Variants in RGS7 observed in about 807,000 individuals in gnomAD.
The protein encoded by RGS7 is regulator of G protein signaling 7.
A neutral mutation model predicts 81.1 loss-of-function variants in RGS7; 27 were observed. The observed-to-expected ratio is 0.33, with a 90% CI of 0.25 to 0.46. RGS7 has a LOEUF of 0.46. RGS7 is among the 20% of genes least tolerant of loss of function. The probability of loss-of-function intolerance (pLI) is 1.00; values close to 1 mark genes in which losing one functional copy is unlikely to be tolerated. For synonymous variants in RGS7, 208 were observed against 207.7 expected (o/e 1.00, Z -0.01); for missense variants, 396 against 607.4 (o/e 0.65, Z 3.66).
intron 3 of RGS7, among the ~76,000 whole-genome samples, chr1:241,082,361 A>G (rs2063183286): frequency 6.6e-6 from 1 of 152,234 alleles, no homozygotes; most frequent in Non-Finnish European, 1.5e-5. Flanking sequence ...GGAAAAGAAA[A>G]CAGTCCCTGA....
Position 241,282,509 on chromosome 1 carries a change from C to T in RGS7, c.78+73190G>A, listed in dbSNP as rs537108507. Among the ~76,000 whole-genome samples, 18 of 152,150 alleles carry T rather than the reference C, an allele frequency of 1.2e-4. 1 individual carries two copies. Among genetic ancestry groups the T allele is most frequent in the Admixed American group, 8.5e-4 (13 of 15,272 alleles). ...TTGGAATTTTCTACATAGACAATCA[C>T]GTCATCTGCAAATAAGGATCTCTTC... On this transcript the variant is annotated intron_variant, in intron 2 of 18. Coordinates refer to ENST00000440928, the MANE Select transcript of RGS7 (RefSeq NM_001364886.1).
At chr1:241,084,997 C>T (rs2493004) in intron 3 of RGS7, among the ~76,000 whole-genome samples, 4,034 of 152,282 alleles carry the variant, frequency 0.026, 180 homozygotes, top group African/African-American at 0.092. Flanking sequence ...ATTTGATCGC[C>T]GCCAACAGGC....
chr1:241,202,047 C>CACACACACACAG (rs780522041), intron 2 of RGS7, among the ~76,000 whole-genome samples: 1 of 150,270 alleles, frequency 6.7e-6, no homozygotes, highest in African/African-American at 2.5e-5. Context: ...CACACACACA[C>CACACACACACAG]AGAGACACCC....
chr1:241,292,124 A>C (rs953388415), intron 2 of RGS7, among the ~76,000 whole-genome samples: 5 of 152,128 alleles, frequency 3.3e-5, no homozygotes, highest in African/African-American at 1.2e-4. Flanking sequence ...ATATGCATGG[A>C]GCTGTCGTCT....
In RGS7 at chr1:241,046,889, T is replaced by C. The variant is rs1056935102; in HGVS notation, c.175+51777A>G. ...ACACCAGCCAGTAGTGCAATTTCAA[T>C]TCATAAATGTTACGTTCTACTGCCC... On this transcript the variant is annotated intron_variant, in intron 3 of 18. Coordinates refer to ENST00000440928, the MANE Select transcript of RGS7 (RefSeq NM_001364886.1). Among the ~76,000 whole-genome samples, 3 of 152,116 alleles carry C rather than the reference T, an allele frequency of 2.0e-5. No homozygotes were observed. In the South Asian group the frequency reaches 6.2e-4, roughly 31 times the overall value.
chr1:241,276,552 G>A (rs1330991708), intron 2 of RGS7, among the ~76,000 whole-genome samples: 1 of 152,190 alleles, frequency 6.6e-6, no homozygotes, highest in African/African-American at 2.4e-5. Flanking sequence ...ATGACAATCT[G>A]CTACGATTTG....
intron 2 of RGS7, among the ~76,000 whole-genome samples, chr1:241,167,798 A>G (rs866799304): frequency 6.6e-6 from 1 of 151,628 alleles, no homozygotes; most frequent in Non-Finnish European, 1.5e-5. Flanking sequence ...GATTACAGGG[A>G]TGAACCACCA....
At chr1:241,014,709 C>T (rs578476) in intron 3 of RGS7, among the ~76,000 whole-genome samples, 44,236 of 152,032 alleles carry the variant, frequency 0.29, 6,915 homozygotes, top group Middle Eastern at 0.4. Flanking sequence ...ATGATCCTTA[C>T]CAAGAGGGAA....
chr1:241,210,050 T>C (rs2074154787), intron 2 of RGS7, among the ~76,000 whole-genome samples: 1 of 152,126 alleles, frequency 6.6e-6, no homozygotes, highest in African/African-American at 2.4e-5. Flanking sequence ...TGAGAATTGA[T>C]AAAGCTTCTC....
intron 2 of RGS7, among the ~76,000 whole-genome samples, chr1:241,130,500 A>C (rs2067000598): frequency 2.0e-5 from 3 of 152,228 alleles, no homozygotes; most frequent in South Asian, 4.1e-4. Flanking sequence ...TGAGGAAGTA[A>C]ATACTGCTAC....
intron 2 of RGS7, among the ~76,000 whole-genome samples, chr1:241,263,468 C>A (rs2077438692): frequency 6.6e-6 from 1 of 152,204 alleles, no homozygotes; most frequent in Admixed American, 6.5e-5. Context: ...TGGATAAAAC[C>A]AACAGGGCTC....
At chr1:241,243,591 A>C (rs1338355837) in intron 2 of RGS7, among the ~76,000 whole-genome samples, 1 of 152,170 alleles carries the variant, frequency 6.6e-6, no homozygotes, top group African/African-American at 2.4e-5. Flanking sequence ...TGGATCAAAG[A>C]AGATTCATAG....
intron 2 of RGS7, among the ~76,000 whole-genome samples, chr1:241,165,590 T>G (rs1179881683): frequency 2.4e-5 from 3 of 124,050 alleles, no homozygotes; most frequent in African/African-American, 9.5e-5. Context: ...TGAGAACACA[T>G]GGACACAGGA....
At chr1:241,127,260 T>C (rs1221096625) in intron 2 of RGS7, among the ~76,000 whole-genome samples, 2 of 152,194 alleles carry the variant, frequency 1.3e-5, no homozygotes, top group East Asian at 3.9e-4. Flanking sequence ...AGAATACATA[T>C]TTTTTAAGCT....
At chr1:240,860,891 T>C (rs1442866602) in intron 9 of RGS7, among the ~76,000 whole-genome samples, 3 of 152,186 alleles carry the variant, frequency 2.0e-5, no homozygotes, top group Non-Finnish European at 2.9e-5. Flanking sequence ...TGTCATGTCA[T>C]CACACTCAGC....
At chr1:241,299,743 GAA>G (rs2079621042) in intron 2 of RGS7, among the ~76,000 whole-genome samples, 1 of 151,482 alleles carries the variant, frequency 6.6e-6, no homozygotes, top group Non-Finnish European at 1.5e-5. Context: ...GCACGATGGA[GAA>G]GTCTTTCATT....
Position 241,163,216 on chromosome 1 carries a change from C to T in RGS7, c.79-64454G>A, listed in dbSNP as rs993818152. Among the ~76,000 whole-genome samples the T allele has an allele frequency of 4.6e-5, 7 of 152,146 alleles. No homozygotes were observed. The highest frequency in any genetic ancestry group is 1.7e-4 in the African/African-American group (7 of 41,434). ...GCAAGACTTGGCAGTGACCTCCTAA[C>T]TTTATCAGTGAAAAGAAGGTGATTT... On this transcript the variant is annotated intron_variant, in intron 2 of 18. Transcript: ENST00000440928. This position sits in a 1 kb window ranked among gnomAD's most constrained non-coding sequence, Gnocchi z 4.6.
chr1:241,239,262 C>T lies in RGS7; in HGVS notation c.78+116437G>A, dbSNP rs530812850. On this transcript the variant is annotated intron_variant, in intron 2 of 18. Coordinates refer to ENST00000440928, the MANE Select transcript of RGS7 (RefSeq NM_001364886.1). Reference sequence around the variant, plus strand: ...GATTACAGGTGTGAGCCACCGCGCCCGGCCATCCCTCTCTCTAACTCTTAA... The same window carrying T: ...GATTACAGGTGTGAGCCACCGCGCCTGGCCATCCCTCTCTCTAACTCTTAA... Among the ~76,000 whole-genome samples the T allele has an allele frequency of 1.2e-4, 19 of 152,150 alleles. No individual in the cohort carries two copies. The South Asian group carries it at 3.5e-3, about 28-fold the overall frequency.
At chr1:241,143,438 G>C (rs2103093474) in intron 2 of RGS7, among the ~76,000 whole-genome samples, 1 of 152,302 alleles carries the variant, frequency 6.6e-6, no homozygotes, top group South Asian at 2.1e-4. Flanking sequence ...CAGAAGGCAA[G>C]GAGGAGCAAG....
Sources: gnomAD v4.1 joint callset for allele counts (sites outside exome capture counted in the v4.1 genomes callset) on GRCh38, gnomAD v4.1.1 for gene constraint, Gnocchi (gnomAD v3.1) non-coding constraint, MANE v1.5 for transcripts, NCBI Gene and HGNC (gene_info 2026-07-23, HGNC 2026-07-21) for gene names.